Variants in SLC19A1 observed in about 807,000 individuals in gnomAD.
SLC19A1 encodes the protein solute carrier family 19 member 1, also known as reduced folate transporter.
A neutral mutation model predicts 35.3 loss-of-function variants in SLC19A1; 37 were observed. That is an observed-to-expected ratio of 1.05 (90% CI 0.81 to 1.38). SLC19A1 has a LOEUF of 1.38. SLC19A1 is among the 40% of genes most tolerant of loss of function. The probability of loss-of-function intolerance (pLI) is 0.00; values close to 1 mark genes in which losing one functional copy is unlikely to be tolerated. For missense variants in SLC19A1, 831 were observed against 826.9 expected (o/e 1.00, Z -0.06); for synonymous variants, 460 against 398.5 (o/e 1.15, Z -1.84).
rs1277577803 is a variant in SLC19A1, at chr21:45,512,580, GT to G, written c.*3077del. 2.0e-5 allele frequency: 13 copies of G among 650,098 alleles called. No individual in the cohort carries two copies. The allele number at this position is 650,098 out of a possible 1,614,324, so 40.3% of individuals were successfully genotyped here. ...AGCCAAAGAGTGTATTTTTTTAAAA[GT>G]TTAAAACAGAAGCCTGATGCTGACA... On this transcript the variant is annotated 3_prime_UTR_variant, in exon 6 of 6. Coordinates refer to ENST00000311124, the MANE Select transcript of SLC19A1 (RefSeq NM_194255.4).
At position 45,516,007 on chromosome 21, in the gene SLC19A1, G is replaced by C. The variant is rs751304390; in HGVS notation, c.1427C>G (p.Ala476Gly). ...CAGTGCCTGTGCTGCCTTCTCCTCCGCGGCACTCCTCAGGCCCTGGGCCGG... is the reference window on the plus strand; with the variant it reads ...CAGTGCCTGTGCTGCCTTCTCCTCCCCGGCACTCCTCAGGCCCTGGGCCGG... Reference protein sequence around the residue: ...QPPAQGLRSAAEEKAAQALSV... With the variant: ...QPPAQGLRSAGEEKAAQALSV... Residue 476 changes from alanine (A) to glycine (G), a missense_variant, in exon 6 of 6, where the codon GCG (alanine) becomes GGG (glycine). Coordinates refer to ENST00000311124, the MANE Select transcript of SLC19A1 (RefSeq NM_194255.4). 4.8e-5 allele frequency: 76 copies of C among 1,571,612 alleles called. No homozygotes were observed. Among genetic ancestry groups the C allele is most frequent in the Non-Finnish European group, 6.0e-5 (69 of 1,159,608 alleles).
Position 45,551,153 on chromosome 21 carries a change from C to G in SLC19A1, c.-50+11589G>C, listed in dbSNP as rs552403919. Reference sequence around the variant, plus strand: ...AAAAACTCAAGTTTTACTTAAGAGGCTGAGGCAGGAGAATAGCTTGAACCC... The same window carrying G: ...AAAAACTCAAGTTTTACTTAAGAGGGTGAGGCAGGAGAATAGCTTGAACCC... On this transcript the variant is annotated intron_variant, in intron 1 of 5. Coordinates refer to the SLC19A1 transcript ENST00000650808. Among the ~76,000 whole-genome samples, 272 of 151,820 alleles carry G rather than the reference C, an allele frequency of 1.8e-3. 3 individuals carry two copies. Among genetic ancestry groups the G allele is most frequent in the African/African-American group, 6.2e-3 (255 of 41,348 alleles).
intron 1 of SLC19A1, among the ~76,000 whole-genome samples, chr21:45,550,157 G>C (rs1378228094): frequency 2.0e-5 from 3 of 152,028 alleles, no homozygotes; most frequent in Non-Finnish European, 4.4e-5. Context: ...TGCCCACCCA[G>C]CCCAGGCTGG....
intron 1 of SLC19A1, among the ~76,000 whole-genome samples, chr21:45,550,188 C>T (rs1000030357): frequency 1.3e-5 from 2 of 152,168 alleles, no homozygotes; most frequent in African/African-American, 4.8e-5. Context: ...TGGTCTCTCC[C>T]ACACCCCATG....
In SLC19A1 at chr21:45,515,815, A is replaced by T; in HGVS notation, c.1619T>A (p.Val540Glu). 6.2e-7 allele frequency: 1 copy of T among 1,610,312 alleles called. No individual in the cohort carries two copies. The highest frequency in any genetic ancestry group is 8.5e-7 in the Non-Finnish European group (1 of 1,177,604). The change falls in exon 6 of 6, where the codon GTG (valine) becomes GAG (glutamate). Residue 540 changes from valine to glutamate, a missense_variant. Val to Glu is a moderately radical substitution (Grantham distance 121). Coordinates refer to ENST00000311124, the MANE Select transcript of SLC19A1 (RefSeq NM_194255.4). ...APQAAEFLSP[V>E]TTPSPCTLCS... ...CAGAGTGCAGGGGGAAGGGGTTGTC[A>T]CTGGGCTCAGGAATTCAGCTGCCTG... is the stretch of plus-strand genomic sequence containing the variant.
intron 3 of SLC19A1, chr21:45,505,187 A>T (rs1568942109): frequency 6.2e-7 from 1 of 1,604,146 alleles, no homozygotes; most frequent in South Asian, 1.1e-5. Context: ...GACCTCAGGG[A>T]CCCCCCGGCA....
chr21:45,515,271 C>T lies in SLC19A1; in HGVS notation c.*387G>A, dbSNP rs1413454419. Reference sequence around the variant, plus strand: ...CCGGCTCCCACCCTGCCCTAGAGGGCTCACAACTCCTGTGGGGCCAGTGTC... The same window carrying T: ...CCGGCTCCCACCCTGCCCTAGAGGGTTCACAACTCCTGTGGGGCCAGTGTC... On this transcript the variant is annotated 3_prime_UTR_variant, in exon 6 of 6. Transcript: ENST00000311124. 2.7e-6 allele frequency: 4 copies of T among 1,488,126 alleles called. No individual in the cohort carries two copies. The South Asian group carries it at 4.0e-5, about 15-fold the overall frequency. 92.2% of individuals were successfully genotyped at this position (1,488,126 alleles called of 1,614,324 possible). A position where few individuals can be genotyped will look rare whatever the true frequency, so the allele number is the denominator to read the frequency against.
In SLC19A1 at chr21:45,534,555, A is replaced by C; in HGVS notation, c.190-2407T>G. 6.5e-7 allele frequency: 1 copy of C among 1,535,652 alleles called. No homozygotes were observed. Among genetic ancestry groups the C allele is most frequent in the Non-Finnish European group, 8.7e-7 (1 of 1,146,846 alleles). ...TCACCCACCTCCGAATGAATGGAGC[A>C]TGCCTCATTTCCTCTTCCACCAGGA... On this transcript the variant is annotated intron_variant, in intron 2 of 5. Transcript: ENST00000311124. This position sits in a 1 kb window ranked among gnomAD's most constrained non-coding sequence, Gnocchi z 4.2.
chr21:45,546,389 C>T (rs949557893), upstream of SLC19A1, among the ~76,000 whole-genome samples: 29 of 152,386 alleles, frequency 1.9e-4, no homozygotes, highest in African/African-American at 6.7e-4. Flanking sequence ...GTGCCTGCCA[C>T]ACTTCTTCCC....
At chr21:45,529,296 T>G (rs11089013) in intron 4 of SLC19A1, among the ~76,000 whole-genome samples, 1 of 151,948 alleles carries the variant, frequency 6.6e-6, no homozygotes, top group Non-Finnish European at 1.5e-5. Context: ...GTGAGGCCAC[T>G]GACACAGAGG....
chr21:45,505,508 A>T, intron 3 of SLC19A1: 1 of 802,726 alleles, frequency 1.2e-6, no homozygotes, highest in Non-Finnish European at 2.1e-6. Flanking sequence ...CCTCAGAGAC[A>T]CTCTCCCACG....
In SLC19A1 at chr21:45,525,899, G is replaced by A. The variant is rs375940608; in HGVS notation, c.1211C>T (p.Thr404Met). 52 of 1,613,552 alleles carry A rather than the reference G, an allele frequency of 3.2e-5. No individual in the cohort carries two copies. The highest frequency in any genetic ancestry group is 2.2e-4 in the South Asian group (20 of 91,088). ...GGTCTTGACGATGGTGGCAAAGAAC[G>A]TGTTGACCCCGAAGACCAGGGCACA... Reference protein sequence around the residue: ...ELCALVFGVNTFFATIVKTII... With the variant: ...ELCALVFGVNMFFATIVKTII... The change falls in exon 5 of 6, where the codon ACG becomes ATG. Residue 404 changes from threonine (T) to methionine (M), a missense_variant. Coordinates refer to ENST00000311124, the MANE Select transcript of SLC19A1 (RefSeq NM_194255.4).
Position 45,534,582 on chromosome 21 carries a change from C to G in SLC19A1, c.190-2434G>C. 6.5e-7 allele frequency: 1 copy of G among 1,535,732 alleles called. No homozygotes were observed. The highest frequency in any genetic ancestry group is 8.7e-7 in the Non-Finnish European group (1 of 1,146,898). Reference sequence around the variant, plus strand: ...GCCTCATTTCCTCTTCCACCAGGAGCTGGCTCTGCAGGCTGGGGCCTCATC... The same window carrying G: ...GCCTCATTTCCTCTTCCACCAGGAGGTGGCTCTGCAGGCTGGGGCCTCATC... On this transcript the variant is annotated intron_variant, in intron 2 of 5. Coordinates refer to ENST00000311124, the MANE Select transcript of SLC19A1 (RefSeq NM_194255.4). The surrounding 1 kb of genome is among the most constrained non-coding windows in gnomAD (Gnocchi z 4.2).
chr21:45,502,559 A>C (rs1452323249), intron 3 of SLC19A1: 1 of 152,248 alleles, frequency 6.6e-6, no homozygotes, highest in Non-Finnish European at 1.5e-5. Flanking sequence ...AATAGCAAGG[A>C]TCAAGAAAGT....
At chr21:45,509,702 T>G, downstream of SLC19A1, 1 of 780,044 alleles carries the variant, frequency 1.3e-6, no homozygotes, top group Non-Finnish European at 2.2e-6. Context: ...GTCCCAGGCT[T>G]CGGCCATGGG....
chr21:45,507,898 C>T (rs2037318416), downstream of SLC19A1, among the ~76,000 whole-genome samples: 1 of 152,244 alleles, frequency 6.6e-6, no homozygotes, highest in African/African-American at 2.4e-5. Flanking sequence ...GGCCAAAATC[C>T]ACATCTTGTG....
intron 2 of SLC19A1, 33 bp downstream of exon 2, chr21:45,537,724 GCCCACCCACCCACA>G: frequency 3.1e-5 from 4 of 130,898 alleles, no homozygotes; most frequent in Non-Finnish European, 5.4e-5. Context: ...GCTGCTCCCC[GCCCACCCACCCACA>G]GGCGGCCGCC....
At chr21:45,505,202 C>T in intron 3 of SLC19A1, 1 of 1,603,570 alleles carries the variant, frequency 6.2e-7, no homozygotes, top group South Asian at 1.1e-5. Context: ...CCGGCATCGG[C>T]TACGAGGGGC....
At chr21:45,505,862 G>A in intron 3 of SLC19A1, 1 of 1,611,216 alleles carries the variant, frequency 6.2e-7, no homozygotes, top group Non-Finnish European at 8.5e-7. Context: ...TACACGCCAG[G>A]CCATGCTGGG....
Sources: gnomAD v4.1 joint callset for allele counts (sites outside exome capture counted in the v4.1 genomes callset) on GRCh38, gnomAD v4.1.1 for gene constraint, Gnocchi (gnomAD v3.1) non-coding constraint, MANE v1.5 for transcripts, NCBI Gene and HGNC (gene_info 2026-07-23, HGNC 2026-07-21) for gene names.